Variants in SENP2 observed in about 807,000 individuals in gnomAD.
SENP2 encodes sentrin-specific protease 2.
A neutral mutation model predicts 86.3 loss-of-function variants in SENP2; 16 were observed. The ratio of observed to expected loss-of-function variants is 0.19; its 90% confidence interval spans 0.13 to 0.28. The LOEUF is 0.28. SENP2 is among the 10% of genes least tolerant of loss of function. SENP2 has a pLI of 1.00. For synonymous variants in SENP2, 222 were observed against 238.7 expected (o/e 0.93, Z 0.64); for missense variants, 552 against 703.0 (o/e 0.79, Z 2.43).
intron 6 of SENP2, chr3:185,606,776 C>G (rs1722528504): frequency 2.0e-6 from 1 of 510,170 alleles, no homozygotes; most frequent in African/African-American, 1.9e-5. Flanking sequence ...GCCACGTGTG[C>G]TCAGTGAGTC....
chr3:185,622,927 G>A (rs1711956984), intron 14 of SENP2, among the ~76,000 whole-genome samples: 1 of 143,764 alleles, frequency 7.0e-6, no homozygotes, highest in Non-Finnish European at 1.5e-5. Flanking sequence ...AGTGATGCTC[G>A]TTCCTCGGCC....
At position 185,631,864 on chromosome 3, in the gene SENP2, A is replaced by G. The variant is rs929950008; in HGVS notation, c.*2020A>G. 6.6e-6 allele frequency: 1 copy of G among 150,990 alleles called. No homozygotes were observed. Among genetic ancestry groups the G allele is most frequent in the Non-Finnish European group, 1.5e-5 (1 of 67,852 alleles). 9.4% of individuals were successfully genotyped at this position (150,990 alleles called of 1,614,324 possible). A position where few individuals can be genotyped will look rare whatever the true frequency, so the allele number is the denominator to read the frequency against. On this transcript the variant is annotated 3_prime_UTR_variant, in exon 17 of 17. Coordinates refer to ENST00000296257, the MANE Select transcript of SENP2 (RefSeq NM_021627.3). ...GCCCACGTGAATGATGCTGAGCTTA[A>G]TGTATTATTTTGAGGGGCTTCTTCA...
chr3:185,587,169 G>T (rs532404381), intron 1 of SENP2, among the ~76,000 whole-genome samples: 40 of 152,288 alleles, frequency 2.6e-4, no homozygotes, highest in African/African-American at 9.1e-4. Context: ...GTCTTGCTCT[G>T]TCGCCCAGGC....
intron 2 of SENP2, among the ~76,000 whole-genome samples, chr3:185,597,623 C>T (rs1029230001): frequency 1.3e-5 from 2 of 150,594 alleles, no homozygotes; most frequent in Non-Finnish European, 2.9e-5. Flanking sequence ...CACCAAAGTG[C>T]TGGGATTACA....
At chr3:185,596,763 T>C (rs1722187538) in intron 2 of SENP2, among the ~76,000 whole-genome samples, 1 of 152,240 alleles carries the variant, frequency 6.6e-6, no homozygotes, top group South Asian at 2.1e-4. Context: ...ATGACAGTGC[T>C]TCCTGTAGAA....
intron 7 of SENP2, 63 bp from the exon 8 acceptor site, chr3:185,611,588 A>C: frequency 4.1e-6 from 4 of 963,996 alleles, no homozygotes; most frequent in Non-Finnish European, 6.6e-6. Context: ...GGACAGAGAT[A>C]ATGCATATTA....
chr3:185,590,894 A>T (rs1721965289), intron 2 of SENP2, among the ~76,000 whole-genome samples: 2 of 140,998 alleles, frequency 1.4e-5, no homozygotes, highest in Non-Finnish European at 3.1e-5. Context: ...AAAAAAAAGA[A>T]AGTCTCCTTT....
At chr3:185,606,525 A>T in intron 6 of SENP2, 27 bp downstream of exon 6, 1 of 1,537,744 alleles carries the variant, frequency 6.5e-7, no homozygotes, top group Non-Finnish European at 8.7e-7. Flanking sequence ...TGATTTCTTT[A>T]AAAAAAATTT....
chr3:185,626,047 T>A (rs1375825426), intron 15 of SENP2, among the ~76,000 whole-genome samples: 1 of 152,220 alleles, frequency 6.6e-6, no homozygotes, highest in Admixed American at 6.5e-5. Context: ...AAAGCAGTAT[T>A]CACAAGTTAC....
In SENP2 at chr3:185,606,336, T is replaced by G. The variant is rs748547410; in HGVS notation, c.456T>G (p.Thr152=). ...TTTTTTTTCTGTTGCTCAGTTTTAC[T>G]TTGAACTCAGAAGGCTGTAATAGAA... is the stretch of plus-strand genomic sequence containing the variant. The part of the protein sequence containing the change: ...PRRVLPSFGF[T]LNSEGCNRRP... The change falls in exon 6 of 17, where the codon ACT becomes ACG. Residue 152 remains threonine, a synonymous_variant. Transcript: ENST00000296257. The G allele has an allele frequency of 6.3e-7, 1 of 1,592,554 alleles. No individual in the cohort carries two copies. Among genetic ancestry groups the G allele is most frequent in the South Asian group, 1.2e-5 (1 of 86,562 alleles).
At chr3:185,600,114 T>G (rs1436996088) in intron 4 of SENP2, among the ~76,000 whole-genome samples, 1 of 152,218 alleles carries the variant, frequency 6.6e-6, no homozygotes, top group African/African-American at 2.4e-5. Flanking sequence ...GATATTACTT[T>G]GAAGCCTTTT....
intron 9 of SENP2, among the ~76,000 whole-genome samples, 185 bp downstream of exon 9, chr3:185,612,843 A>C (rs6785918): frequency 1.3e-5 from 2 of 152,170 alleles, no homozygotes; most frequent in South Asian, 4.1e-4. Context: ...TGGTGGGTTG[A>C]GGGGGGTGCC....
intron 15 of SENP2, among the ~76,000 whole-genome samples, chr3:185,624,341 T>C (rs1353575339): frequency 6.6e-6 from 1 of 152,092 alleles, no homozygotes; most frequent in African/African-American, 2.4e-5. Flanking sequence ...AAGAATGATC[T>C]GCTTCTAAAT....
At chr3:185,596,769 T>C (rs992848671) in intron 2 of SENP2, among the ~76,000 whole-genome samples, 12 of 152,376 alleles carry the variant, frequency 7.9e-5, no homozygotes, top group African/African-American at 2.9e-4. Context: ...GTGCTTCCTG[T>C]AGAATTCTGC....
intron 7 of SENP2, among the ~76,000 whole-genome samples, chr3:185,611,122 A>G (rs1192682491): frequency 2.0e-5 from 3 of 152,094 alleles, no homozygotes; most frequent in Non-Finnish European, 4.4e-5. Context: ...CTAAAAATAC[A>G]AAAATTAACC....
chr3:185,633,412 T>C lies in SENP2; in HGVS notation c.*3568T>C, dbSNP rs374664253. The stretch of plus-strand genomic sequence containing the variant: ...TGGTACTTACTAACTCATTTGTAAA[T>C]TGGCGATGTAGCTGGCTGTAGTATT... On this transcript the variant is annotated 3_prime_UTR_variant, in exon 17 of 17. Coordinates refer to ENST00000296257, the MANE Select transcript of SENP2 (RefSeq NM_021627.3). 1 of 152,204 alleles carries C rather than the reference T, an allele frequency of 6.6e-6. No individual in the cohort carries two copies. The highest frequency in any genetic ancestry group is 1.5e-5 in the Non-Finnish European group (1 of 68,030). 9.4% of individuals were successfully genotyped at this position (152,204 alleles called of 1,614,324 possible).
rs777238584 is a variant in SENP2 at position 185,614,583 on chromosome 3, A to C, written c.953A>C (p.Glu318Ala). The change falls in exon 11 of 17, where the codon GAG (glutamate) becomes GCG (alanine). Residue 318 changes from glutamate to alanine, a missense_variant. Glu to Ala is a moderately radical substitution (Grantham distance 107). This residue lies in a region of SENP2 where 383 missense variants were observed against 427.3 expected (regional missense o/e 0.90). Coordinates refer to ENST00000296257, the MANE Select transcript of SENP2 (RefSeq NM_021627.3). ...GATCAGAGGAGGGGATACCAACTGG[A>C]GCCTGACCTATCAGAAGAAGTGTCG... Reference protein sequence around the residue: ...ENESRRGYQLEPDLSEEVSAR... With the variant: ...ENESRRGYQLAPDLSEEVSAR... 3.7e-6 allele frequency: 6 copies of C among 1,613,750 alleles called. No homozygotes were observed. Among genetic ancestry groups the C allele is most frequent in the Non-Finnish European group, 5.1e-6 (6 of 1,179,920 alleles).
rs1342038449 is a variant in SENP2 at position 185,594,165 on chromosome 3, T to TA, written c.157+4008dup. 4.5e-3 allele frequency among the ~76,000 whole-genome samples: 666 copies of TA among 147,666 alleles called. 1 individual carries two copies. The highest frequency in any genetic ancestry group is 0.015 in the African/African-American group (616 of 40,620). ...TAAATAGCTTGTACTTGGATGTGGT[T>TA]AAAAAAAAAAAACACACACAAACGT... On this transcript the variant is annotated intron_variant, in intron 2 of 16. Coordinates refer to ENST00000296257, the MANE Select transcript of SENP2 (RefSeq NM_021627.3).
At chr3:185,587,609 C>T (rs1721831339) in intron 1 of SENP2, among the ~76,000 whole-genome samples, 2 of 126,168 alleles carry the variant, frequency 1.6e-5, no homozygotes, top group African/African-American at 5.9e-5. Flanking sequence ...CTCTGTCCCC[C>T]AGGCTGGAGT....
Sources: allele counts gnomAD v4.1 joint callset (sites outside exome capture counted in the v4.1 genomes callset), GRCh38; gene constraint gnomAD v4.1.1; regional missense constraint gnomAD v4.1.1; transcripts MANE v1.5; gene names NCBI Gene and HGNC (gene_info 2026-07-23, HGNC 2026-07-21).